Variants in PIK3C2G observed in about 807,000 individuals in gnomAD.
The protein encoded by PIK3C2G is phosphatidylinositol 3-kinase C2 domain-containing subunit gamma.
PIK3C2G carries 168 observed loss-of-function variants against 181.1 expected under a neutral mutation model. The observed-to-expected ratio is 0.93, with a 90% CI of 0.82 to 1.05. The LOEUF is 1.05. Among genes scored for constraint, PIK3C2G ranks in the 50% least tolerant of loss-of-function variants. PIK3C2G has a pLI of 0.00. For missense variants in PIK3C2G, 1,869 were observed against 1,732.8 expected, an observed-to-expected ratio of 1.08 and a Z score of -1.40; for synonymous variants, 573 against 592.2, an observed-to-expected ratio of 0.97 and a Z score of 0.47.
chr12:18,555,752 C>T (rs1489922750), intron 26 of PIK3C2G, among the ~76,000 whole-genome samples: 3 of 151,938 alleles, frequency 2.0e-5, no homozygotes, highest in Non-Finnish European at 4.4e-5. Flanking sequence ...CTGAGAATTC[C>T]ACAAGTTATT....
chr12:18,642,230 T>C (rs1949880158), intron 32 of PIK3C2G, among the ~76,000 whole-genome samples: 1 of 152,220 alleles, frequency 6.6e-6, no homozygotes, highest in Admixed American at 6.5e-5. Context: ...TTCTAAAAGT[T>C]GTATAGCTTT....
chr12:18,419,155 C>A (rs1945337664), intron 16 of PIK3C2G, among the ~76,000 whole-genome samples: 1 of 152,028 alleles, frequency 6.6e-6, no homozygotes, highest in African/African-American at 2.4e-5. Context: ...ACAAAACAGA[C>A]AAAAATTTAC....
At chr12:18,655,750 G>A in the PIK3C2G span, among the ~76,000 whole-genome samples, 3 of 145,102 alleles carry the variant, frequency 2.1e-5, no homozygotes, top group Non-Finnish European at 3.0e-5. Context: ...ACCTTATCAT[G>A]AAAAAAAAAA....
At chr12:18,593,644 C>T (rs1470357423) in intron 29 of PIK3C2G, among the ~76,000 whole-genome samples, 1 of 151,826 alleles carries the variant, frequency 6.6e-6, no homozygotes, top group Non-Finnish European at 1.5e-5. Context: ...CTACTTTGGT[C>T]ATATAGTAGC....
At chr12:18,659,299 T>C in the PIK3C2G span, among the ~76,000 whole-genome samples, 2 of 152,266 alleles carry the variant, frequency 1.3e-5, no homozygotes, top group East Asian at 3.9e-4. Context: ...TCCCGTACAA[T>C]AGATGAGAAA....
chr12:18,616,163 A>G (rs1457430887), intron 31 of PIK3C2G, among the ~76,000 whole-genome samples: 1 of 152,052 alleles, frequency 6.6e-6, no homozygotes, highest in Non-Finnish European at 1.5e-5. Flanking sequence ...TGGAAACTTT[A>G]CTATATACAC....
the PIK3C2G span, among the ~76,000 whole-genome samples, chr12:18,673,833 T>G: frequency 6.6e-6 from 1 of 152,202 alleles, no homozygotes; most frequent in African/African-American, 2.4e-5. Context: ...AGTTGCTCAC[T>G]GGCTGTTCCA....
At chr12:18,316,041 AGT>A in intron 6 of PIK3C2G, among the ~76,000 whole-genome samples, 1 of 152,216 alleles carries the variant, frequency 6.6e-6, no homozygotes, top group African/African-American at 2.4e-5. Context: ...TTAGGTGCCA[AGT>A]GATGTTCTTA....
At chr12:18,599,794 C>G (rs188035918) in intron 30 of PIK3C2G, among the ~76,000 whole-genome samples, 4 of 151,730 alleles carry the variant, frequency 2.6e-5, no homozygotes, top group Non-Finnish European at 4.4e-5. Context: ...AAAATTCAAT[C>G]AGAGGTCACA....
Position 18,609,629 on chromosome 12 carries a change from T to A in PIK3C2G, c.4182T>A (p.Ile1394=). 2.0e-6 allele frequency: 3 copies of A among 1,522,642 alleles called. No individual in the cohort carries two copies. The South Asian group carries it at 3.6e-5, about 18-fold the overall frequency. 94.3% of individuals were successfully genotyped at this position (1,522,642 alleles called of 1,614,324 possible). A position where few individuals can be genotyped will look rare whatever the true frequency, so the allele number is the denominator to read the frequency against. ...LTILVKHMKN[I]HLPDGSAPSA... ...TACTAGTGAAACACATGAAAAACAT[T>A]GTAAGTTTATTATGTATAATAAGAA... The change falls in exon 31 of 33, where the codon ATT becomes ATA. Residue 1394 remains isoleucine, a splice_region_variant and synonymous_variant. Coordinates refer to ENST00000538779, the MANE Select transcript of PIK3C2G (RefSeq NM_001288772.2).
intron 5 of PIK3C2G, among the ~76,000 whole-genome samples, chr12:18,308,851 T>G (rs536156824): frequency 6.6e-6 from 1 of 151,674 alleles, no homozygotes; most frequent in Non-Finnish European, 1.5e-5. Flanking sequence ...TACTATATAT[T>G]GCAAAACAAA....
intron 18 of PIK3C2G, among the ~76,000 whole-genome samples, chr12:18,442,535 T>C (rs935776427): frequency 6.6e-6 from 1 of 152,264 alleles, no homozygotes; most frequent in South Asian, 2.1e-4. Flanking sequence ...AGAGGGGTTT[T>C]GAAACAGTAT....
At chr12:18,647,460 A>AG (rs1253238724) in intron 32 of PIK3C2G, among the ~76,000 whole-genome samples, 2 of 152,138 alleles carry the variant, frequency 1.3e-5, no homozygotes, top group Admixed American at 6.6e-5. Context: ...ATTGAAAAAA[A>AG]AAAAAAATAG....
chr12:18,326,679 T>C (rs1431895509), intron 8 of PIK3C2G, among the ~76,000 whole-genome samples: 1 of 152,172 alleles, frequency 6.6e-6, no homozygotes, highest in East Asian at 1.9e-4. Context: ...CACAATTAGC[T>C]TGTTTTAAGT....
the PIK3C2G span, among the ~76,000 whole-genome samples, chr12:18,671,463 G>A: frequency 1.3e-5 from 2 of 151,968 alleles, no homozygotes; most frequent in African/African-American, 4.8e-5. Context: ...CAGAAAACCT[G>A]AACCTAAAGA....
At chr12:18,683,996 A>G in the PIK3C2G span, 1 of 1,089,242 alleles carries the variant, frequency 9.2e-7, no homozygotes, top group South Asian at 1.4e-5. Flanking sequence ...CAGAGAAAAA[A>G]TATGTGTCAA....
At chr12:18,463,253 T>C (rs188716832) in intron 18 of PIK3C2G, among the ~76,000 whole-genome samples, 7 of 152,292 alleles carry the variant, frequency 4.6e-5, no homozygotes, top group African/African-American at 1.7e-4. Flanking sequence ...ACTATTTGAT[T>C]TTCATGCATA....
intron 18 of PIK3C2G, among the ~76,000 whole-genome samples, chr12:18,486,268 T>C (rs768850688): frequency 3.9e-5 from 6 of 152,078 alleles, no homozygotes; most frequent in African/African-American, 9.7e-5. Flanking sequence ...CCAAGGAAAA[T>C]AATCCCAACA....
At chr12:18,703,137 G>T in the PIK3C2G span, among the ~76,000 whole-genome samples, 1 of 152,156 alleles carries the variant, frequency 6.6e-6, no homozygotes, top group Non-Finnish European at 1.5e-5. Context: ...ATTGGACTAT[G>T]ATTTGGGTTT....
Sources: allele counts gnomAD v4.1 joint callset (sites outside exome capture counted in the v4.1 genomes callset), GRCh38; gene constraint gnomAD v4.1.1; transcripts MANE v1.5; gene names NCBI Gene and HGNC (gene_info 2026-07-23, HGNC 2026-07-21).